Variants in CNTNAP3 observed in about 807,000 individuals in gnomAD.
CNTNAP3 encodes contactin associated protein family member 3, also known as contactin-associated protein-like 3.
In CNTNAP3, 36 loss-of-function variants were observed where a neutral mutation model predicts 92.1. The ratio of observed to expected loss-of-function variants is 0.39; its 90% CI spans 0.30 to 0.52. CNTNAP3 has a LOEUF of 0.52. Ranked by LOEUF, CNTNAP3 falls within the 20% of genes least tolerant of loss-of-function variation. The pLI, the probability that CNTNAP3 is intolerant of heterozygous loss-of-function variation, is 0.76. For synonymous variants in CNTNAP3, 232 were observed against 422.3 expected, an observed-to-expected ratio of 0.55 and a Z score of 5.53; for missense variants, 534 against 1,069.6, an observed-to-expected ratio of 0.50 and a Z score of 6.98.
chr9:39,149,940 G>C lies in CNTNAP3; in HGVS notation c.1515C>G (p.Ser505Arg), dbSNP rs150289485. The change falls in exon 10 of 24, where the codon AGC becomes AGG. Residue 505 changes from serine (S) to arginine (R), a missense_variant. Ser to Arg is a moderately radical substitution (Grantham distance 110, BLOSUM62 -1). Transcript: ENST00000297668. Reference sequence around the variant, plus strand: ...GGCAGCCCTGAAACCCTCCCAGGGGGCTTTTACATCCAGAGCCAGAGCTGT... The same window carrying C: ...GGCAGCCCTGAAACCCTCCCAGGGGCCTTTTACATCCAGAGCCAGAGCTGT... The part of the protein sequence containing the change: ...LDNSSGSGCK[S>R]PLGGFQGCLR... 521 of 1,611,474 alleles carry C rather than the reference G, an allele frequency of 3.2e-4. No individual in the cohort carries two copies. In the African/African-American group the frequency reaches 6.0e-3, roughly 19 times the overall value.
chr9:39,151,798 A>T lies in CNTNAP3; in HGVS notation c.1478-1821T>A, dbSNP rs1250914194. Among the ~76,000 whole-genome samples the T allele has an allele frequency of 2.0e-5, 3 of 147,724 alleles. No homozygotes were observed. The East Asian group carries it at 6.0e-4, about 29-fold the overall frequency. On this transcript the variant is annotated intron_variant, in intron 9 of 23. Coordinates refer to ENST00000297668, the MANE Select transcript of CNTNAP3 (RefSeq NM_033655.5). ...AAAATTTTATCCTTTGCCTTATTTT[A>T]AAAAAGAAGCCTGCTTATATTGATT... is the stretch of plus-strand genomic sequence containing the variant.
rs1027580455 is a variant in CNTNAP3, at chr9:39,070,733, T to C, written c.*3157A>G. ...GAGGGGATGGATACCCCATTCTCCA[T>C]GATGTGCTTATTTCACAGTGCATGC... is the stretch of plus-strand genomic sequence containing the variant. On this transcript the variant is annotated 3_prime_UTR_variant, in exon 24 of 24. Coordinates refer to ENST00000297668, the MANE Select transcript of CNTNAP3 (RefSeq NM_033655.5). Among the ~76,000 whole-genome samples the C allele has an allele frequency of 6.6e-6, 1 of 152,280 alleles. No homozygotes were observed. Among genetic ancestry groups the C allele is most frequent in the Non-Finnish European group, 1.5e-5 (1 of 68,036 alleles).
intron 23 of CNTNAP3, among the ~76,000 whole-genome samples, chr9:39,076,810 T>C (rs1825781576): frequency 6.6e-6 from 1 of 152,294 alleles, no homozygotes; most frequent in South Asian, 2.1e-4. Flanking sequence ...CTACTAAAAA[T>C]ATAAAAAATT....
chr9:39,136,149 A>AATG (rs528196320), intron 12 of CNTNAP3, among the ~76,000 whole-genome samples: 5,690 of 149,094 alleles, frequency 0.038, 151 homozygotes, highest in Non-Finnish European at 0.06. Context: ...TAATAATAAT[A>AATG]ATAATAATAA....
intron 7 of CNTNAP3, chr9:39,174,353 T>C: frequency 5.1e-6 from 3 of 582,744 alleles, no homozygotes; most frequent in Admixed American, 2.9e-5. Context: ...CTGTTCATAG[T>C]AAAACTTAGA....
intron 18 of CNTNAP3, among the ~76,000 whole-genome samples, chr9:39,098,247 T>A (rs942875151): frequency 6.8e-6 from 1 of 147,688 alleles, no homozygotes; most frequent in Non-Finnish European, 1.5e-5. Flanking sequence ...GGTTGATATT[T>A]TAATTTTATA....
chr9:39,145,692 A>T (rs899970778), intron 10 of CNTNAP3, among the ~76,000 whole-genome samples: 2 of 136,512 alleles, frequency 1.5e-5, no homozygotes, highest in Non-Finnish European at 3.3e-5. Flanking sequence ...TTCCATAATT[A>T]CATGGTGTTA....
chr9:39,110,395 C>CA (rs1475988248), intron 14 of CNTNAP3, among the ~76,000 whole-genome samples: 1 of 151,932 alleles, frequency 6.6e-6, no homozygotes, highest in African/African-American at 2.4e-5. Context: ...GACCTTGTCT[C>CA]AAAAAATACA....
At chr9:39,132,891 C>G in intron 13 of CNTNAP3, 41 bp downstream of exon 13, 3 of 1,511,750 alleles carry the variant, frequency 2.0e-6, no homozygotes, top group Non-Finnish European at 2.6e-6. Context: ...GGCCGCGCCC[C>G]GGCCCCGTGA....
chr9:39,103,871 G>T lies in CNTNAP3; in HGVS notation c.2409C>A (p.Tyr803Ter). The T allele has an allele frequency of 6.2e-7, 1 of 1,610,972 alleles. No individual in the cohort carries two copies. Among genetic ancestry groups the T allele is most frequent in the African/African-American group, 1.3e-5 (1 of 74,864 alleles). ...CTCCGTGGAAAGCAGGGAAATGAAGGTATGAAGTCTCAGTGTTGAAGGAAG... is the reference window on the plus strand; with the variant it reads ...CTCCGTGGAAAGCAGGGAAATGAAGTTATGAAGTCTCAGTGTTGAAGGAAG... ...NSASFNTETS[Y>*]LHFPAFHGEL... Residue 803 changes from tyrosine to a stop codon, truncating the protein, a stop_gained, in exon 16 of 24, where the codon TAC becomes TAA. Transcript: ENST00000297668. LOFTEE classifies it high-confidence loss of function.
intron 20 of CNTNAP3, 74 bp downstream of exon 20, chr9:39,086,641 CA>C (rs1826068542): frequency 7.0e-7 from 1 of 1,429,646 alleles, no homozygotes; most frequent in African/African-American, 1.6e-5. Context: ...TTAATATTAT[CA>C]AATTTTTTCA....
intron 12 of CNTNAP3, among the ~76,000 whole-genome samples, chr9:39,137,138 T>C (rs1821457956): frequency 6.6e-6 from 1 of 151,934 alleles, no homozygotes; most frequent in Non-Finnish European, 1.5e-5. Context: ...TTTGTAGTTG[T>C]GCCACTGTAC....
In CNTNAP3 at chr9:39,099,986, T is replaced by TC. The variant is rs1451459374; in HGVS notation, c.2919dup (p.Arg974GlufsTer12). 6.3e-7 allele frequency: 1 copy of TC among 1,598,146 alleles called. No homozygotes were observed. The highest frequency in any genetic ancestry group is 2.3e-5 in the East Asian group (1 of 44,360). ...ACCCCCCTGCGTTTCTCTCTGCATC[T>TC]CCCTCCATTGCGACACAAGTGTCCA... On this transcript the variant is annotated frameshift_variant, in exon 18 of 24. Coordinates refer to ENST00000297668, the MANE Select transcript of CNTNAP3 (RefSeq NM_033655.5). LOFTEE classifies it high-confidence loss of function.
At chr9:39,114,574 T>TTA (rs1294497357) in intron 14 of CNTNAP3, among the ~76,000 whole-genome samples, 4 of 152,170 alleles carry the variant, frequency 2.6e-5, no homozygotes, top group Non-Finnish European at 5.9e-5. Context: ...TTCTATTCTT[T>TTA]TAGTTTCAAC....
intron 12 of CNTNAP3, among the ~76,000 whole-genome samples, chr9:39,139,507 G>T (rs1015697860): frequency 3.9e-5 from 6 of 152,216 alleles, no homozygotes; most frequent in African/African-American, 1.4e-4. Flanking sequence ...AAATGCCCAT[G>T]TAATTTCAGT....
At chr9:39,109,084 A>G in intron 15 of CNTNAP3, 76 bp downstream of exon 15, 1 of 1,525,820 alleles carries the variant, frequency 6.6e-7, no homozygotes, top group Non-Finnish European at 8.8e-7. Context: ...TCTGGCAAGA[A>G]CAAGGGCATT....
intron 14 of CNTNAP3, among the ~76,000 whole-genome samples, chr9:39,117,177 A>T (rs1023256474): frequency 2.0e-5 from 3 of 151,972 alleles, no homozygotes; most frequent in African/African-American, 4.8e-5. Context: ...TTTTCAGTGG[A>T]TACGGGGTTT....
intron 13 of CNTNAP3, among the ~76,000 whole-genome samples, chr9:39,122,831 T>C (rs896651986): frequency 1.3e-5 from 2 of 152,150 alleles, no homozygotes; most frequent in African/African-American, 4.8e-5. Context: ...AAGGGCTCTA[T>C]GTTGAAAAAG....
rs748829854 is a variant in CNTNAP3 at position 39,253,145 on chromosome 9, AATATAT to A, written c.196+13745_196+13750del. The stretch of plus-strand genomic sequence containing the variant: ...ATTAAGTACACACTGACTCTCTCTA[AATATAT>A]ATATATATATATATATACACACACA... On this transcript the variant is annotated intron_variant, in intron 2 of 23. Coordinates refer to ENST00000297668, the MANE Select transcript of CNTNAP3 (RefSeq NM_033655.5). Among the ~76,000 whole-genome samples, 274 of 5,984 alleles carry A rather than the reference AATATAT, an allele frequency of 0.046. 128 individuals carry two copies. The South Asian group carries it at 0.8, about 17-fold the overall frequency. 3.9% of individuals were successfully genotyped at this position (5,984 alleles called of 152,430 possible).
Sources: gnomAD v4.1 joint callset for allele counts (sites outside exome capture counted in the v4.1 genomes callset) on GRCh38, gnomAD v4.1.1 for gene constraint, MANE v1.5 for transcripts, NCBI Gene and HGNC (gene_info 2026-07-23, HGNC 2026-07-21) for gene names.